Variants in KCNQ3 observed in about 807,000 individuals in gnomAD.
KCNQ3 encodes potassium voltage-gated channel subfamily KQT member 3.
KCNQ3 carries 30 observed loss-of-function variants against 92.5 expected under a neutral mutation model. That is an observed-to-expected ratio of 0.32 (90% confidence interval 0.24 to 0.44). The LOEUF (loss-of-function observed/expected upper bound fraction) is 0.44, where lower values mean the gene tolerates loss of function less well. Ranked by LOEUF, KCNQ3 falls within the 20% of genes least tolerant of loss-of-function variation. The probability of loss-of-function intolerance (pLI) is 1.00; values close to 1 mark genes in which losing one functional copy is unlikely to be tolerated. For synonymous variants in KCNQ3, 450 were observed against 468.8 expected, an observed-to-expected ratio of 0.96 and a Z score of 0.52; for missense variants, 913 against 1,140.3, an observed-to-expected ratio of 0.80 and a Z score of 2.87.
At chr8:132,258,380 AAAT>A (rs540925778) in intron 1 of KCNQ3, among the ~76,000 whole-genome samples, 76 of 152,240 alleles carry the variant, frequency 5.0e-4, no homozygotes, top group East Asian at 9.6e-4. Flanking sequence ...AAATATATGA[AAAT>A]AATAATAATA....
rs869112851 is a variant in KCNQ3, at chr8:132,154,193, G to GTTTTTTTTTTTTTTTTTTTT, written c.1262+9255_1262+9274dup. Among the ~76,000 whole-genome samples the GTTTTTTTTTTTTTTTTTTTT allele has an allele frequency of 3.5e-3, 95 of 27,410 alleles. 10 individuals are homozygous for GTTTTTTTTTTTTTTTTTTTT. Among genetic ancestry groups the GTTTTTTTTTTTTTTTTTTTT allele is most frequent in the South Asian group, 5.3e-3 (4 of 754 alleles). The allele number at this position is 27,410 out of a possible 152,430, so 18.0% of individuals were successfully genotyped here. On this transcript the variant is annotated intron_variant, in intron 9 of 14. Transcript: ENST00000388996. ...CTGATGTACCATCAAAAGGGTAAAA[G>GTTTTTTTTTTTTTTTTTTTT]TTTTTTTTTTTTTTTTTTTTTTTTT...
intron 1 of KCNQ3, among the ~76,000 whole-genome samples, chr8:132,375,490 C>A (rs1005727080): frequency 6.6e-6 from 1 of 152,100 alleles, no homozygotes; most frequent in Admixed American, 6.6e-5. Context: ...TGTGAGAATG[C>A]GACTGAAAAG....
intron 1 of KCNQ3, among the ~76,000 whole-genome samples, chr8:132,464,557 T>C (rs1358917698): frequency 1.3e-5 from 2 of 152,234 alleles, no homozygotes; most frequent in East Asian, 3.8e-4. Flanking sequence ...TCCACTTTCC[T>C]TTGTATCACT....
At chr8:132,232,956 G>C (rs992804393) in intron 1 of KCNQ3, among the ~76,000 whole-genome samples, 1 of 152,194 alleles carries the variant, frequency 6.6e-6, no homozygotes, top group Non-Finnish European at 1.5e-5. Context: ...AGGCAACTAA[G>C]GTGAGAGGAA....
intron 1 of KCNQ3, among the ~76,000 whole-genome samples, chr8:132,373,173 G>A (rs777831689): frequency 3.5e-4 from 53 of 151,954 alleles, no homozygotes; most frequent in East Asian, 7.8e-4. Context: ...GGCCTCCAGC[G>A]TCAGACATGG....
At chr8:132,228,234 T>TTTTTCAAGAATCCAAAA (rs1814496142) in intron 1 of KCNQ3, among the ~76,000 whole-genome samples, 1 of 152,210 alleles carries the variant, frequency 6.6e-6, no homozygotes, top group South Asian at 2.1e-4. Flanking sequence ...GTGGGCCCTT[T>TTTTTCAAGAATCCAAAA]TTTTCAAGAA....
chr8:132,289,837 G>A (rs1354575144), intron 1 of KCNQ3, among the ~76,000 whole-genome samples: 1 of 152,026 alleles, frequency 6.6e-6, no homozygotes, highest in Non-Finnish European at 1.5e-5. Context: ...CTTCCCAAAG[G>A]CCAGAATGTG....
At chr8:132,141,387 T>G (rs1825290929) in intron 9 of KCNQ3, 56 bp from the exon 10 acceptor site, 1 of 1,471,740 alleles carries the variant, frequency 6.8e-7, no homozygotes, top group Non-Finnish European at 9.5e-7. Context: ...CTCTTAAAAT[T>G]TCCCATCCCT....
chr8:132,347,018 G>T (rs2130697254), intron 1 of KCNQ3, among the ~76,000 whole-genome samples: 1 of 152,262 alleles, frequency 6.6e-6, no homozygotes. Flanking sequence ...TGAAGATGCT[G>T]GTAGTTTTGC....
intron 1 of KCNQ3, among the ~76,000 whole-genome samples, chr8:132,379,783 A>C (rs1819697291): frequency 6.6e-6 from 1 of 152,186 alleles, no homozygotes; most frequent in South Asian, 2.1e-4. Flanking sequence ...AAAGACATGG[A>C]ATATATCTCA....
At chr8:132,478,453 CT>C (rs1188623851) in intron 1 of KCNQ3, among the ~76,000 whole-genome samples, 1 of 152,160 alleles carries the variant, frequency 6.6e-6, no homozygotes, top group Non-Finnish European at 1.5e-5. Context: ...CTTCTTGTGC[CT>C]TTTTTAACTA....
At chr8:132,477,399 A>G (rs965334489) in intron 1 of KCNQ3, among the ~76,000 whole-genome samples, 22 of 152,234 alleles carry the variant, frequency 1.4e-4, no homozygotes, top group African/African-American at 5.3e-4. Context: ...TGGTAAGCCC[A>G]ATTTCCTGGG....
At chr8:132,210,070 T>C (rs375899550) in intron 1 of KCNQ3, among the ~76,000 whole-genome samples, 1 of 152,210 alleles carries the variant, frequency 6.6e-6, no homozygotes, top group Non-Finnish European at 1.5e-5. Context: ...AACCCCAGTC[T>C]GCAAAGCTAG....
At chr8:132,355,645 G>A (rs1307032676) in intron 1 of KCNQ3, among the ~76,000 whole-genome samples, 1 of 152,112 alleles carries the variant, frequency 6.6e-6, no homozygotes, top group East Asian at 1.9e-4. Flanking sequence ...GGCAAGCAAA[G>A]AGAAAAAGGG....
At chr8:132,274,756 C>T (rs973070828) in intron 1 of KCNQ3, among the ~76,000 whole-genome samples, 9 of 152,010 alleles carry the variant, frequency 5.9e-5, no homozygotes, top group African/African-American at 2.2e-4. Context: ...TGTGAAGTTC[C>T]CAGTGGGGTG....
intron 9 of KCNQ3, among the ~76,000 whole-genome samples, chr8:132,157,891 A>G (rs1383749001): frequency 2.0e-5 from 3 of 151,784 alleles, no homozygotes; most frequent in African/African-American, 4.8e-5. Flanking sequence ...ATGTGTTCTC[A>G]TTGTTCAACT....
At chr8:132,133,446 C>T (rs1824954548) in intron 13 of KCNQ3, among the ~76,000 whole-genome samples, 1 of 143,506 alleles carries the variant, frequency 7.0e-6, no homozygotes, top group Non-Finnish European at 1.5e-5. Context: ...ACCTCTGACT[C>T]CCTGGTTCAA....
At chr8:132,228,124 G>T (rs551032152) in intron 1 of KCNQ3, among the ~76,000 whole-genome samples, 1 of 152,280 alleles carries the variant, frequency 6.6e-6, no homozygotes, top group African/African-American at 2.4e-5. Flanking sequence ...TAGTCAGATG[G>T]TGCTCATATT....
At chr8:132,182,882 G>GCACACACACA (rs3993055) in intron 3 of KCNQ3, among the ~76,000 whole-genome samples, 14 of 146,094 alleles carry the variant, frequency 9.6e-5, no homozygotes, top group Admixed American at 5.5e-4. Context: ...CTCCAATATC[G>GCACACACACA]CACACACACA....
Sources: gnomAD v4.1 joint callset for allele counts (sites outside exome capture counted in the v4.1 genomes callset) on GRCh38, gnomAD v4.1.1 for gene constraint, MANE v1.5 for transcripts, NCBI Gene and HGNC (gene_info 2026-07-23, HGNC 2026-07-21) for gene names.